PLA2G4A: variants seen among roughly 807,000 people sequenced by gnomAD.
The protein encoded by PLA2G4A is phospholipase A2 group IVA, also known as cytosolic phospholipase A2.
A neutral mutation model predicts 81.9 loss-of-function variants in PLA2G4A; 40 were observed. The observed-to-expected ratio is 0.49, with a 90% CI of 0.38 to 0.64. PLA2G4A has a LOEUF of 0.64. PLA2G4A is among the 30% of genes least tolerant of loss of function. The pLI is 0.00. For missense variants in PLA2G4A, 715 were observed against 905.1 expected (o/e 0.79, Z 2.69); for synonymous variants, 302 against 296.9 (o/e 1.02, Z -0.18).
At chr1:186,975,715 C>G (rs775888471) in intron 15 of PLA2G4A, among the ~76,000 whole-genome samples, 23 of 152,260 alleles carry the variant, frequency 1.5e-4, no homozygotes, top group Middle Eastern at 3.4e-3. Context: ...ATTATCTCTG[C>G]GTTGCCTGTA....
At chr1:186,886,994 T>C (rs931972725) in intron 3 of PLA2G4A, among the ~76,000 whole-genome samples, 3 of 152,168 alleles carry the variant, frequency 2.0e-5, no homozygotes, top group African/African-American at 7.2e-5. Flanking sequence ...AGGCCCATGC[T>C]GGAGAATATG....
intron 5 of PLA2G4A, among the ~76,000 whole-genome samples, chr1:186,901,490 T>C (rs1285403957): frequency 6.6e-6 from 1 of 152,126 alleles, no homozygotes; most frequent in Non-Finnish European, 1.5e-5. Context: ...TGAATGAATA[T>C]ATGAATGCAC....
At chr1:186,895,640 T>C (rs1451133789) in intron 5 of PLA2G4A, among the ~76,000 whole-genome samples, 3 of 152,014 alleles carry the variant, frequency 2.0e-5, no homozygotes, top group Non-Finnish European at 4.4e-5. Context: ...TAAAAAGAAA[T>C]CCCCAGACAG....
At chr1:186,924,718 T>C (rs969454041) in intron 7 of PLA2G4A, among the ~76,000 whole-genome samples, 1 of 151,828 alleles carries the variant, frequency 6.6e-6, no homozygotes, top group Non-Finnish European at 1.5e-5. Flanking sequence ...GATTATGGGG[T>C]GCATGCCACC....
intron 15 of PLA2G4A, among the ~76,000 whole-genome samples, chr1:186,976,889 G>A (rs545441493): frequency 4.6e-5 from 7 of 152,156 alleles, no homozygotes; most frequent in South Asian, 2.1e-4. Flanking sequence ...TAAATCACCC[G>A]TGGAGGCTCT....
At chr1:186,905,930 ACCT>A (rs1323668849) in intron 5 of PLA2G4A, among the ~76,000 whole-genome samples, 3 of 151,954 alleles carry the variant, frequency 2.0e-5, no homozygotes, top group African/African-American at 4.8e-5. Flanking sequence ...CTTTTTGGAA[ACCT>A]CCTTCTAGTC....
intron 4 of PLA2G4A, among the ~76,000 whole-genome samples, 155 bp from the exon 5 acceptor site, chr1:186,893,943 A>T (rs1324744506): frequency 6.6e-6 from 1 of 151,394 alleles, no homozygotes; most frequent in Non-Finnish European, 1.5e-5. Flanking sequence ...AAAGGAAAAG[A>T]TAAAAGTATT....
At chr1:186,912,086 G>A (rs1013208601) in intron 7 of PLA2G4A, among the ~76,000 whole-genome samples, 2 of 152,112 alleles carry the variant, frequency 1.3e-5, no homozygotes, top group African/African-American at 2.4e-5. Flanking sequence ...AATGATGTGC[G>A]CACCCATTGG....
chr1:186,862,473 A>G (rs1377388679), intron 2 of PLA2G4A, among the ~76,000 whole-genome samples: 1 of 152,070 alleles, frequency 6.6e-6, no homozygotes, highest in African/African-American at 2.4e-5. Flanking sequence ...CAGTTTCCCA[A>G]AGTGCTGGGA....
rs539506691 is a variant in PLA2G4A at position 186,932,660 on chromosome 1, T to C, written c.559-103T>C. ...AAGTATGAAGTTAACTTACACTTCTTTGTGACAAAATATGGGATGTATAAC... is the reference window on the plus strand; with the variant it reads ...AAGTATGAAGTTAACTTACACTTCTCTGTGACAAAATATGGGATGTATAAC... On this transcript the variant is annotated intron_variant, in intron 7 of 17. Transcript: ENST00000367466. The C allele has an allele frequency of 2.5e-6, 3 of 1,187,920 alleles. No individual in the cohort carries two copies. The Admixed American group carries it at 5.1e-5, about 20-fold the overall frequency. The allele number at this position is 1,187,920 out of a possible 1,614,324, so 73.6% of individuals were successfully genotyped here. A position where few individuals can be genotyped will look rare whatever the true frequency, so the allele number is the denominator to read the frequency against.
chr1:186,915,628 C>T (rs970085876), intron 7 of PLA2G4A, among the ~76,000 whole-genome samples: 19 of 152,260 alleles, frequency 1.2e-4, no homozygotes, highest in African/African-American at 4.6e-4. Flanking sequence ...TACCTGCCCA[C>T]TGGTAGTTGT....
At chr1:186,837,402 T>A (rs1227434482) in intron 1 of PLA2G4A, among the ~76,000 whole-genome samples, 1 of 151,912 alleles carries the variant, frequency 6.6e-6, no homozygotes, top group Admixed American at 6.6e-5. Context: ...ACAGACAGAC[T>A]GTAACAAGTT....
intron 3 of PLA2G4A, among the ~76,000 whole-genome samples, chr1:186,891,927 G>A (rs1350808655): frequency 6.6e-6 from 1 of 152,208 alleles, no homozygotes; most frequent in South Asian, 2.1e-4. Flanking sequence ...CATTATACAA[G>A]AGATCCCTTT....
intron 3 of PLA2G4A, among the ~76,000 whole-genome samples, chr1:186,875,734 C>T (rs1653472224): frequency 6.6e-6 from 1 of 152,050 alleles, no homozygotes; most frequent in Admixed American, 6.6e-5. Flanking sequence ...GGCAGCGTCA[C>T]TCTAGGTACC....
At chr1:186,960,425 C>T (rs1656903900) in intron 14 of PLA2G4A, among the ~76,000 whole-genome samples, 1 of 152,124 alleles carries the variant, frequency 6.6e-6, no homozygotes, top group African/African-American at 2.4e-5. Flanking sequence ...TCCACAACCG[C>T]ATTAATTCAT....
chr1:186,941,426 G>A lies in PLA2G4A; in HGVS notation c.1033+1332G>A, dbSNP rs530418562. ...TCATTCAAATGTTTATTAAAATATT[G>A]GCTAAAATGTTTGTCATGCTTATGG... On this transcript the variant is annotated intron_variant, in intron 10 of 17. Coordinates refer to ENST00000367466, the MANE Select transcript of PLA2G4A (RefSeq NM_024420.3). 2.0e-5 allele frequency among the ~76,000 whole-genome samples: 3 copies of A among 152,182 alleles called. No individual in the cohort carries two copies. The East Asian group carries it at 5.8e-4, about 29-fold the overall frequency.
At chr1:186,917,177 A>G (rs1655170181) in intron 7 of PLA2G4A, among the ~76,000 whole-genome samples, 1 of 152,094 alleles carries the variant, frequency 6.6e-6, no homozygotes, top group African/African-American at 2.4e-5. Context: ...CCAGTCCTTG[A>G]TTCATACGCG....
intron 12 of PLA2G4A, among the ~76,000 whole-genome samples, chr1:186,948,396 A>G (rs1162292058): frequency 6.6e-6 from 1 of 152,170 alleles, no homozygotes; most frequent in Non-Finnish European, 1.5e-5. Flanking sequence ...GGCAATGTGT[A>G]TAATGATAAA....
chr1:186,954,194 A>G (rs1656662101), intron 13 of PLA2G4A, among the ~76,000 whole-genome samples: 2 of 152,232 alleles, frequency 1.3e-5, no homozygotes, highest in Admixed American at 1.3e-4. Flanking sequence ...ACCAACCCAA[A>G]TGTCCATTGT....
Sources: gnomAD v4.1 joint callset for allele counts (sites outside exome capture counted in the v4.1 genomes callset) on GRCh38, gnomAD v4.1.1 for gene constraint, MANE v1.5 for transcripts, NCBI Gene and HGNC (gene_info 2026-07-23, HGNC 2026-07-21) for gene names.